The following ZDBF2 variants were observed in gnomAD, a reference collection of about 807,000 sequenced individuals.
ZDBF2 encodes zinc finger DBF-type containing 2, also known as DBF4-type zinc finger-containing protein 2.
In ZDBF2, 6 loss-of-function variants were observed where a neutral mutation model predicts 9.4. The observed-to-expected ratio is 0.64, with a 90% CI of 0.35 to 1.27. ZDBF2 has a LOEUF of 1.27. Among genes scored for constraint, ZDBF2 ranks in the 50% most tolerant of loss-of-function variants. The pLI, the probability that ZDBF2 is intolerant of heterozygous loss-of-function variation, is 0.03. For missense variants in ZDBF2, 2,697 were observed against 2,766.8 expected, an observed-to-expected ratio of 0.97 and a Z score of 0.57; for synonymous variants, 905 against 946.3, an observed-to-expected ratio of 0.96 and a Z score of 0.80.
Position 206,309,293 on chromosome 2 carries a change from T to TCTA in ZDBF2, c.4768_4770dup (p.Thr1590dup), listed in dbSNP as rs1484332235. The TCTA allele has an allele frequency of 1.2e-6, 2 of 1,612,302 alleles. No homozygotes were observed. The highest frequency in any genetic ancestry group is 1.7e-5 in the Admixed American group (1 of 59,766). On this transcript the variant is annotated inframe_insertion, in exon 5 of 5. Transcript: ENST00000374423. ...TGAAGTCAGATGTAATTGTAAAGCC[T>TCTA]CTACTCCCTCAATGACAAACCAATG...
At chr2:206,283,160 A>G (rs1043200532) in intron 3 of ZDBF2, among the ~76,000 whole-genome samples, 12 of 152,226 alleles carry the variant, frequency 7.9e-5, no homozygotes, top group African/African-American at 2.9e-4. Flanking sequence ...TGTTATGAAT[A>G]GTGCTGCTAT....
At position 206,304,970 on chromosome 2, in the gene ZDBF2, C is replaced by G. The variant is rs568368740; in HGVS notation, c.442C>G (p.Pro148Ala). 1.5e-4 allele frequency: 245 copies of G among 1,613,602 alleles called. 2 individuals carry two copies. Among genetic ancestry groups the G allele is most frequent in the Middle Eastern group, 1.5e-3 (9 of 6,062 alleles). ...AAAACTGGAGAAGGGACAGCAGCAG[C>G]CCTTGGAGTTTGTTCATAAAATTGG... ...IQKLEKGQQQ[P>A]LEFVHKIGAS... Residue 148 changes from proline (P) to alanine (A), a missense_variant, in exon 5 of 5, where the codon CCC becomes GCC. By Grantham distance (27) the Pro-to-Ala change is conservative. Around this residue, in one of 3 missense-constraint regions of ZDBF2, gnomAD observed 910 missense variants for 973.6 expected, o/e 0.93. Transcript: ENST00000374423.
intron 3 of ZDBF2, among the ~76,000 whole-genome samples, chr2:206,286,129 A>G (rs1163792157): frequency 1.3e-5 from 2 of 152,232 alleles, no homozygotes; most frequent in African/African-American, 2.4e-5. Flanking sequence ...TATGTGGCCT[A>G]TCCTGGAAAA....
chr2:206,283,350 A>G (rs1258619310), intron 3 of ZDBF2, among the ~76,000 whole-genome samples: 1 of 151,358 alleles, frequency 6.6e-6, no homozygotes, highest in Non-Finnish European at 1.5e-5. Context: ...CAGTTTCTCC[A>G]CGTTCTTGTC....
At chr2:206,297,472 C>A in intron 4 of ZDBF2, 99 bp downstream of exon 4, 2 of 1,169,984 alleles carry the variant, frequency 1.7e-6, no homozygotes, top group Non-Finnish European at 2.3e-6. Flanking sequence ...ATCTTTGAGT[C>A]AAGGAATATA....
chr2:206,303,444 T>C (rs114356618), intron 4 of ZDBF2, among the ~76,000 whole-genome samples: 4,346 of 152,264 alleles, frequency 0.029, 91 homozygotes, highest in Non-Finnish European at 0.045. Context: ...TGCCCGACTT[T>C]AAGAATTCAG....
rs576431275 is a variant in ZDBF2, at chr2:206,306,147, C to T, written c.1619C>T (p.Ala540Val). ...NYGSSSSEVS[A>V]DSVFPLQSVV... ...GGTTCCAGTAGCTCTGAAGTAAGTG[C>T]TGATTCTGTTTTCCCACTGCAGTCA... The change falls in exon 5 of 5, where the codon GCT (alanine) becomes GTT (valine). Residue 540 changes from alanine to valine, a missense_variant. Coordinates refer to ENST00000374423, the MANE Select transcript of ZDBF2 (RefSeq NM_020923.3). The T allele has an allele frequency of 1.2e-6, 2 of 1,613,774 alleles. No individual in the cohort carries two copies. The highest frequency in any genetic ancestry group is 2.7e-5 in the African/African-American group (2 of 75,060).
At chr2:206,278,087 G>A (rs1386576382) in intron 1 of ZDBF2, among the ~76,000 whole-genome samples, 3 of 152,086 alleles carry the variant, frequency 2.0e-5, no homozygotes, top group African/African-American at 7.2e-5. Flanking sequence ...AGAATGTACT[G>A]TACCTTCCCA....
intron 1 of ZDBF2, among the ~76,000 whole-genome samples, chr2:206,276,439 A>G (rs1691007198): frequency 6.6e-6 from 1 of 152,232 alleles, no homozygotes; most frequent in African/African-American, 2.4e-5. Flanking sequence ...TCAAATGAGC[A>G]AGATGCAATT....
chr2:206,288,000 G>A (rs1191366134), intron 3 of ZDBF2, among the ~76,000 whole-genome samples: 1 of 151,750 alleles, frequency 6.6e-6, no homozygotes, highest in Non-Finnish European at 1.5e-5. Context: ...ATATTTTCTT[G>A]TCTCTCATTG....
At chr2:206,277,179 T>C (rs543790636) in intron 1 of ZDBF2, among the ~76,000 whole-genome samples, 7 of 152,242 alleles carry the variant, frequency 4.6e-5, no homozygotes, top group Non-Finnish European at 8.8e-5. Flanking sequence ...TTGTTAGTTC[T>C]TACCACACTG....
intron 3 of ZDBF2, among the ~76,000 whole-genome samples, chr2:206,289,727 C>A (rs373837502): frequency 6.6e-6 from 1 of 152,136 alleles, no homozygotes; most frequent in Non-Finnish European, 1.5e-5. Context: ...GTGGTGTTGA[C>A]CCCAGACGGC....
chr2:206,287,643 G>A (rs1168617756), intron 3 of ZDBF2, among the ~76,000 whole-genome samples: 1 of 152,122 alleles, frequency 6.6e-6, no homozygotes, highest in South Asian at 2.1e-4. Context: ...CATTAAATAG[G>A]TTTTCTATGC....
chr2:206,306,773 G>T lies in ZDBF2; in HGVS notation c.2245G>T (p.Glu749Ter). 1 of 1,613,828 alleles carries T rather than the reference G, an allele frequency of 6.2e-7. No individual in the cohort carries two copies. Among genetic ancestry groups the T allele is most frequent in the Non-Finnish European group, 8.5e-7 (1 of 1,179,784 alleles). ...TAGGAGCTATGATTGCTCCAGCTCT[G>T]AGTTGACTTTTGATTCTGACCCGCC... ...EVRSYDCSSS[E>*]LTFDSDPPLL... is the part of the protein sequence containing the mutation. The change falls in exon 5 of 5, where the codon GAG becomes TAG. Residue 749 changes from glutamate (E) to a stop codon, truncating the protein, a stop_gained. Transcript: ENST00000374423. LOFTEE classifies it low-confidence loss of function (END_TRUNC).
rs773175617 is a variant in ZDBF2, at chr2:206,309,993, A to G, written c.5465A>G (p.His1822Arg). Residue 1822 changes from histidine to arginine, a missense_variant, in exon 5 of 5, where the codon CAT becomes CGT. Physicochemically the swap from His to Arg is conservative, Grantham distance 29. Transcript: ENST00000374423. Reference protein sequence around the residue: ...PDEPVLEALPHVPPSFVGKTW... With the variant: ...PDEPVLEALPRVPPSFVGKTW... ...GAACCAGTTCTTGAAGCCTTGCCTCATGTACCTCCTTCATTTGTGGGGAAA... is the reference window on the plus strand; with the variant it reads ...GAACCAGTTCTTGAAGCCTTGCCTCGTGTACCTCCTTCATTTGTGGGGAAA... The G allele has an allele frequency of 1.2e-6, 2 of 1,612,986 alleles. No individual in the cohort carries two copies. The highest frequency in any genetic ancestry group is 2.2e-5 in the South Asian group (2 of 90,774).
rs1693089185 is a variant in ZDBF2, at chr2:206,310,291, T to A, written c.5763T>A (p.Pro1921=). 11 of 1,613,952 alleles carry A rather than the reference T, an allele frequency of 6.8e-6. No individual in the cohort carries two copies. Among genetic ancestry groups the A allele is most frequent in the Non-Finnish European group, 9.3e-6 (11 of 1,179,890 alleles). The part of the protein sequence containing the change: ...VALDKPCHRH[P]PAERPPKQKG... ...TAGATAAACCATGCCATCGTCATCC[T>A]CCAGCAGAGAGGCCTCCTAAGCAAA... The change falls in exon 5 of 5, where the codon CCT becomes CCA. Residue 1921 remains proline, a synonymous_variant. Coordinates refer to ENST00000374423, the MANE Select transcript of ZDBF2 (RefSeq NM_020923.3).
Position 206,308,594 on chromosome 2 carries a change from G to T in ZDBF2, c.4066G>T (p.Asp1356Tyr). The T allele has an allele frequency of 6.2e-7, 1 of 1,613,448 alleles. No individual in the cohort carries two copies. Among genetic ancestry groups the T allele is most frequent in the Non-Finnish European group, 8.5e-7 (1 of 1,179,842 alleles). ...ILEEEHASLE[D>Y]KSSNSYSPEE... is the part of the protein sequence containing the mutation. ...GGAAGAGGAGCATGCCAGTCTGGAA[G>T]ATAAGAGCAGTAATTCTTATAGTCC... The change falls in exon 5 of 5, where the codon GAT (aspartate) becomes TAT (tyrosine). Residue 1356 changes from aspartate (D) to tyrosine (Y), a missense_variant. This residue lies in a region of ZDBF2 where 1,783 missense variants were observed against 1,776.5 expected (regional missense o/e 1.00). Coordinates refer to ENST00000374423, the MANE Select transcript of ZDBF2 (RefSeq NM_020923.3).
chr2:206,297,003 C>T (rs998695613), intron 3 of ZDBF2, among the ~76,000 whole-genome samples: 1 of 152,140 alleles, frequency 6.6e-6, no homozygotes, highest in Non-Finnish European at 1.5e-5. Context: ...ATGATAATGG[C>T]ATCTTTTTTG....
intron 1 of ZDBF2, among the ~76,000 whole-genome samples, chr2:206,279,235 A>G (rs376727959): frequency 2.6e-5 from 4 of 152,116 alleles, no homozygotes; most frequent in East Asian, 3.9e-4. Flanking sequence ...TTTGCTCTCA[A>G]CTTTACCAGA....
Sources: gnomAD v4.1 joint callset for allele counts (sites outside exome capture counted in the v4.1 genomes callset) on GRCh38, gnomAD v4.1.1 for gene constraint, gnomAD v4.1.1 regional missense constraint, MANE v1.5 for transcripts, NCBI Gene and HGNC (gene_info 2026-07-23, HGNC 2026-07-21) for gene names.